The following GSAP variants were observed in gnomAD, a reference collection of about 807,000 sequenced individuals.
GSAP encodes the protein gamma-secretase activating protein.
A neutral mutation model predicts 131.7 loss-of-function variants in GSAP; 118 were observed. The ratio of observed to expected loss-of-function variants is 0.90; its 90% CI spans 0.77 to 1.04. The LOEUF (loss-of-function observed/expected upper bound fraction) is 1.04. GSAP is among the 50% of genes least tolerant of loss of function. The pLI, the probability that GSAP is intolerant of heterozygous loss-of-function variation, is 0.00. For missense variants in GSAP, 1,019 were observed against 1,013.2 expected, an observed-to-expected ratio of 1.01 and a Z score of -0.08; for synonymous variants, 381 against 363.4, an observed-to-expected ratio of 1.05 and a Z score of -0.55.
chr7:77,346,299 G>GAA (rs1035855960), intron 19 of GSAP, among the ~76,000 whole-genome samples: 9 of 129,630 alleles, frequency 6.9e-5, no homozygotes, highest in African/African-American at 2.7e-4. Context: ...AAGAAAGAAA[G>GAA]AAAAAAAATT....
chr7:77,397,295 T>C, intron 4 of GSAP, 51 bp downstream of exon 4: 1 of 1,081,514 alleles, frequency 9.2e-7, no homozygotes, highest in Non-Finnish European at 1.4e-6. Flanking sequence ...TTTGAAACTC[T>C]TGAAAGATGT....
At position 77,379,059 on chromosome 7, in the gene GSAP, G is replaced by A. The variant is rs1306518884; in HGVS notation, c.577-1669C>T. On this transcript the variant is annotated intron_variant, in intron 8 of 30. Coordinates refer to ENST00000257626, the MANE Select transcript of GSAP (RefSeq NM_017439.4). ...CCTGTCCATTATATTTAGACAAGAG[G>A]AAAGTGATGCCAGAGAAAAGATCCA... 4.6e-5 allele frequency among the ~76,000 whole-genome samples: 7 copies of A among 152,244 alleles called. No homozygotes were observed. The East Asian group carries it at 1.4e-3, about 29-fold the overall frequency.
rs1200571611 is a variant in GSAP, at chr7:77,362,588, T to C, written c.944A>G (p.His315Arg). The C allele has an allele frequency of 2.0e-6, 3 of 1,524,446 alleles. No individual in the cohort carries two copies. The highest frequency in any genetic ancestry group is 1.1e-5 in the South Asian group (1 of 88,462). 94.4% of individuals were successfully genotyped at this position (1,524,446 alleles called of 1,614,324 possible). Reference protein sequence around the residue: ...GQITYSVFYIHKGHSKTFTTS... With the variant: ...GQITYSVFYIRKGHSKTFTTS... ...AAAGAAGACATGAAAAGTACCTTTATGAATGTAAAACACTGAATATGTGAT... is the reference window on the plus strand; with the variant it reads ...AAAGAAGACATGAAAAGTACCTTTACGAATGTAAAACACTGAATATGTGAT... The change falls in exon 13 of 31, where the codon CAT becomes CGT. Residue 315 changes from histidine to arginine, a missense_variant. Transcript: ENST00000257626.
chr7:77,361,519 T>C (rs1049733749), intron 13 of GSAP, among the ~76,000 whole-genome samples: 7 of 152,240 alleles, frequency 4.6e-5, no homozygotes, highest in Non-Finnish European at 8.8e-5. Flanking sequence ...GAAGTTACTT[T>C]AGCTTCTCCA....
chr7:77,348,666 C>G (rs1028715948), intron 19 of GSAP, among the ~76,000 whole-genome samples: 2 of 152,218 alleles, frequency 1.3e-5, no homozygotes, highest in Non-Finnish European at 2.9e-5. Flanking sequence ...TTCAAGGAAA[C>G]TGTGCTAAAA....
Position 77,323,038 on chromosome 7 carries a change from T to C in GSAP, c.1923+609A>G, listed in dbSNP as rs1039498448. On this transcript the variant is annotated intron_variant, in intron 24 of 30. Transcript: ENST00000257626. ...TTTTGAATTTGTCAAACATTATTTCTAGACTCTAAGCAAGATCAGGCCTCA... is the reference window on the plus strand; with the variant it reads ...TTTTGAATTTGTCAAACATTATTTCCAGACTCTAAGCAAGATCAGGCCTCA... Among the ~76,000 whole-genome samples, 3 of 152,226 alleles carry C rather than the reference T, an allele frequency of 2.0e-5. No individual in the cohort carries two copies. In the South Asian group the frequency reaches 6.2e-4, roughly 31 times the overall value.
chr7:77,311,469 G>T lies in GSAP; in HGVS notation c.2474-20C>A. ...ACAGGGCTGGAAAAAAATGGGGAGA[G>T]GGCAGGGAAAAAGGGTTACCATGGG... On this transcript the variant is annotated intron_variant, in intron 30 of 30. Transcript: ENST00000257626. 2 of 1,417,332 alleles carry T rather than the reference G, an allele frequency of 1.4e-6. No individual in the cohort carries two copies. The highest frequency in any genetic ancestry group is 2.0e-6 in the Non-Finnish European group (2 of 1,002,938). The allele number at this position is 1,417,332 out of a possible 1,614,324, so 87.8% of individuals were successfully genotyped here.
chr7:77,363,434 G>A (rs1794824079), intron 12 of GSAP, among the ~76,000 whole-genome samples: 1 of 152,204 alleles, frequency 6.6e-6, no homozygotes, highest in Non-Finnish European at 1.5e-5. Context: ...ACTGAAATAG[G>A]AGATTGACAG....
chr7:77,336,573 C>T (rs965421364), intron 19 of GSAP, among the ~76,000 whole-genome samples: 1 of 152,104 alleles, frequency 6.6e-6, no homozygotes, highest in African/African-American at 2.4e-5. Context: ...GCAACCTCCA[C>T]CACCTCCCAG....
chr7:77,342,175 G>A (rs1381836987), intron 19 of GSAP, among the ~76,000 whole-genome samples: 11 of 152,190 alleles, frequency 7.2e-5, no homozygotes, highest in African/African-American at 2.7e-4. Context: ...GAAGACTGAC[G>A]CTGCACCATC....
rs1223890926 is a variant in GSAP at position 77,352,997 on chromosome 7, T to C, written c.1438A>G (p.Thr480Ala). Residue 480 changes from threonine (T) to alanine (A), a missense_variant, in exon 18 of 31, where the codon ACA (threonine) becomes GCA (alanine). Transcript: ENST00000257626. Reference protein sequence around the residue: ...ASSYWSVYSETSNMDKLLPHS... With the variant: ...ASSYWSVYSEASNMDKLLPHS... Reference sequence around the variant, plus strand: ...GGCAATAGTTTGTCCATGTTACTTGTCTCTGAATATACACTCCAGTATGAA... The same window carrying C: ...GGCAATAGTTTGTCCATGTTACTTGCCTCTGAATATACACTCCAGTATGAA... 2 of 1,605,814 alleles carry C rather than the reference T, an allele frequency of 1.2e-6. No individual in the cohort carries two copies. The highest frequency in any genetic ancestry group is 1.7e-6 in the Non-Finnish European group (2 of 1,172,692).
At chr7:77,328,197 C>A (rs1314576815) in intron 22 of GSAP, 2 of 998,700 alleles carry the variant, frequency 2.0e-6, no homozygotes, top group Admixed American at 5.8e-5. Flanking sequence ...GCCTCTAGGA[C>A]CTGTGTGCCC....
In GSAP at chr7:77,353,590, T is replaced by C. The variant is rs755806263; in HGVS notation, c.1390A>G (p.Ile464Val). Residue 464 changes from isoleucine (I) to valine (V), a missense_variant, in exon 17 of 31, where the codon ATT becomes GTT. Transcript: ENST00000257626. The part of the protein sequence containing the change: ...NVSACHSFDL[I>V]QEFIIASSYW... ...CACTTACCAATTATAAATTCCTGAA[T>C]GAGGTCAAATGAATGGCAGGCAGAG... The C allele has an allele frequency of 1.2e-6, 2 of 1,609,562 alleles. No homozygotes were observed. The highest frequency in any genetic ancestry group is 1.7e-5 in the Admixed American group (1 of 59,872).
In GSAP at chr7:77,393,535, T is replaced by C. The variant is rs1428723240; in HGVS notation, c.367+3447A>G. 6.6e-5 allele frequency among the ~76,000 whole-genome samples: 10 copies of C among 152,100 alleles called. No homozygotes were observed. In the East Asian group the frequency reaches 1.9e-3, roughly 29 times the overall value. The stretch of plus-strand genomic sequence containing the variant: ...AAACTCTTCCTTCCTGCCCCTCCCA[T>C]ACACACATACACACCCACATGCCCT... On this transcript the variant is annotated intron_variant, in intron 5 of 30. Transcript: ENST00000257626.
Sources: gnomAD v4.1 joint callset for allele counts (sites outside exome capture counted in the v4.1 genomes callset) on GRCh38, gnomAD v4.1.1 for gene constraint, MANE v1.5 for transcripts, NCBI Gene and HGNC (gene_info 2026-07-23, HGNC 2026-07-21) for gene names.